The following LRP1B variants were observed in gnomAD, a reference collection of about 807,000 sequenced individuals.
LRP1B encodes the protein low-density lipoprotein receptor-related protein 1B.
LRP1B carries 217 observed loss-of-function variants against 556.6 expected under a neutral mutation model. The observed-to-expected ratio is 0.39, with a 90% CI of 0.35 to 0.44. LRP1B has a LOEUF of 0.44. Ranked by LOEUF, LRP1B falls within the 20% of genes least tolerant of loss-of-function variation. The pLI is 1.00. For missense variants in LRP1B, 5,053 were observed against 5,620.8 expected, an observed-to-expected ratio of 0.90 and a Z score of 3.23; for synonymous variants, 2,047 against 1,865.8, an observed-to-expected ratio of 1.10 and a Z score of -2.50.
In LRP1B at chr2:140,716,048, T is replaced by C. The variant is rs750818136; in HGVS notation, c.5948A>G (p.Asn1983Ser). ...AATAATTACATAACGGAAAGAACCA[T>C]TGAGTCTTGCAACTTCAATTAAGTT... The part of the protein sequence containing the change: ...GFNLIEVARL[N>S]GSFRYVIISQ... The change falls in exon 37 of 91, where the codon AAT becomes AGT. Residue 1983 changes from asparagine (N) to serine (S), a missense_variant. By Grantham distance (46) the Asn-to-Ser change is conservative. Around this residue, in one of 5 missense-constraint regions of LRP1B, gnomAD observed 3,619 missense variants for 3,931.9 expected, o/e 0.92. Transcript: ENST00000389484. 75 of 1,609,180 alleles carry C rather than the reference T, an allele frequency of 4.7e-5. No individual in the cohort carries two copies. Among genetic ancestry groups the C allele is most frequent in the Non-Finnish European group, 6.0e-5 (71 of 1,176,324 alleles).
intron 3 of LRP1B, among the ~76,000 whole-genome samples, chr2:141,420,599 A>C (rs1011150919): frequency 2.6e-5 from 4 of 152,186 alleles, no homozygotes; most frequent in African/African-American, 9.7e-5. Flanking sequence ...AAGTATGCCA[A>C]CACATTGTCA....
intron 1 of LRP1B, among the ~76,000 whole-genome samples, chr2:142,081,159 G>C (rs1214591943): frequency 2.0e-5 from 3 of 152,050 alleles, no homozygotes; most frequent in African/African-American, 7.2e-5. Flanking sequence ...AATAAAATGA[G>C]TTACAAAGCT....
At chr2:142,027,212 G>A (rs946834027) in intron 1 of LRP1B, among the ~76,000 whole-genome samples, 4 of 151,514 alleles carry the variant, frequency 2.6e-5, no homozygotes, top group Non-Finnish European at 5.9e-5. Context: ...GCATGAATGA[G>A]GATCCCCAAA....
At position 141,242,242 on chromosome 2, in the gene LRP1B, A is replaced by G. The variant is rs1448223613; in HGVS notation, c.592+4984T>C. On this transcript the variant is annotated intron_variant, in intron 5 of 90. Transcript: ENST00000389484. ...CACAGACACCTGCCAATTCTCCCACAGGCAGAATCAGCCCTAGCAGCAAAC... is the reference window on the plus strand; with the variant it reads ...CACAGACACCTGCCAATTCTCCCACGGGCAGAATCAGCCCTAGCAGCAAAC... Among the ~76,000 whole-genome samples the G allele has an allele frequency of 2.0e-5, 3 of 152,132 alleles. No individual in the cohort carries two copies. In the East Asian group the frequency reaches 5.8e-4, roughly 29 times the overall value.
intron 66 of LRP1B, among the ~76,000 whole-genome samples, chr2:140,393,842 T>C (rs1428904514): frequency 6.6e-6 from 1 of 152,170 alleles, no homozygotes; most frequent in Non-Finnish European, 1.5e-5. Context: ...CATCTTCTCT[T>C]GGGAGGCAGA....
intron 3 of LRP1B, among the ~76,000 whole-genome samples, chr2:141,327,267 T>C (rs191047879): frequency 6.6e-6 from 1 of 152,290 alleles, no homozygotes; most frequent in African/African-American, 2.4e-5. Context: ...AATATTTACA[T>C]GCATGAAGTT....
chr2:141,523,655 AT>A (rs1684599676), intron 2 of LRP1B, among the ~76,000 whole-genome samples: 1 of 152,154 alleles, frequency 6.6e-6, no homozygotes, highest in South Asian at 2.1e-4. Context: ...TTTAACGTAA[AT>A]TATTACATAC....
At chr2:141,215,934 A>G (rs923772439) in intron 6 of LRP1B, among the ~76,000 whole-genome samples, 12 of 152,242 alleles carry the variant, frequency 7.9e-5, no homozygotes, top group African/African-American at 1.9e-4. Context: ...TTTCTAGAGC[A>G]GAATTCAAGC....
chr2:141,244,666 T>C (rs1164725956), intron 5 of LRP1B, among the ~76,000 whole-genome samples: 1 of 152,172 alleles, frequency 6.6e-6, no homozygotes, highest in African/African-American at 2.4e-5. Context: ...AAAAGTATCC[T>C]CTGGTTCACT....
intron 1 of LRP1B, among the ~76,000 whole-genome samples, chr2:141,959,466 T>C (rs1389213747): frequency 6.6e-6 from 1 of 151,990 alleles, no homozygotes; most frequent in Non-Finnish European, 1.5e-5. Context: ...CTAACATTTG[T>C]GCACAACAGA....
chr2:140,666,443 T>A (rs1317170262), intron 41 of LRP1B, among the ~76,000 whole-genome samples: 1 of 152,086 alleles, frequency 6.6e-6, no homozygotes, highest in Non-Finnish European at 1.5e-5. Flanking sequence ...CTCCTCTGTC[T>A]TATGTAGTTC....
At chr2:141,024,144 GATTTA>G (rs1188695404) in intron 11 of LRP1B, among the ~76,000 whole-genome samples, 1 of 151,970 alleles carries the variant, frequency 6.6e-6, no homozygotes, top group Non-Finnish European at 1.5e-5. Flanking sequence ...GAATGACATT[GATTTA>G]ATTAATAGTG....
At chr2:140,712,126 A>G (rs1424499989) in intron 37 of LRP1B, among the ~76,000 whole-genome samples, 1 of 152,016 alleles carries the variant, frequency 6.6e-6, no homozygotes, top group Non-Finnish European at 1.5e-5. Context: ...GGGCCACTTG[A>G]ATCTCTTCTC....
chr2:141,139,832 T>C (rs1701597125), intron 7 of LRP1B, among the ~76,000 whole-genome samples: 1 of 150,918 alleles, frequency 6.6e-6, no homozygotes, highest in African/African-American at 2.4e-5. Flanking sequence ...TCACATAACC[T>C]ATCCCTTCTA....
At chr2:141,757,973 G>A (rs1694384100) in intron 2 of LRP1B, among the ~76,000 whole-genome samples, 1 of 152,158 alleles carries the variant, frequency 6.6e-6, no homozygotes, top group South Asian at 2.1e-4. Context: ...AAAAATTCAA[G>A]AAGATAAATT....
intron 1 of LRP1B, among the ~76,000 whole-genome samples, chr2:141,885,815 G>A (rs1558939752): frequency 6.6e-6 from 1 of 152,186 alleles, no homozygotes; most frequent in African/African-American, 2.4e-5. Flanking sequence ...TCCAGGCCAA[G>A]GGAAAAACTG....
At chr2:141,255,947 T>C (rs188013478) in intron 3 of LRP1B, among the ~76,000 whole-genome samples, 3 of 152,088 alleles carry the variant, frequency 2.0e-5, no homozygotes, top group Admixed American at 2.0e-4. Flanking sequence ...TAATGTGATA[T>C]TTATTGAGCA....
intron 4 of LRP1B, 52 bp from the exon 5 acceptor site, chr2:141,247,406 T>G (rs762798549): frequency 1.3e-6 from 2 of 1,588,306 alleles, no homozygotes; most frequent in African/African-American, 2.7e-5. Flanking sequence ...TGGGCACTTT[T>G]TTTTCTCCTT....
At chr2:141,525,288 G>C (rs1484934334) in intron 2 of LRP1B, among the ~76,000 whole-genome samples, 1 of 152,050 alleles carries the variant, frequency 6.6e-6, no homozygotes, top group Non-Finnish European at 1.5e-5. Context: ...AAAGGAGAAG[G>C]AAACCTTAGT....
Sources: allele counts gnomAD v4.1 joint callset (sites outside exome capture counted in the v4.1 genomes callset), GRCh38; gene constraint gnomAD v4.1.1; regional missense constraint gnomAD v4.1.1; transcripts MANE v1.5; gene names NCBI Gene and HGNC (gene_info 2026-07-23, HGNC 2026-07-21).